The following RBM23 variants were observed in gnomAD, a reference collection of about 807,000 sequenced individuals.
RBM23 encodes the protein RNA binding motif protein 23, also known as probable RNA-binding protein 23.
A neutral mutation model predicts 56.2 loss-of-function variants in RBM23; 53 were observed. That is an observed-to-expected ratio of 0.94 (90% CI 0.76 to 1.19). The LOEUF (loss-of-function observed/expected upper bound fraction) is 1.19, where lower values mean the gene tolerates loss of function less well. Among genes scored for constraint, RBM23 ranks in the 50% most tolerant of loss-of-function variants. The pLI, the probability that RBM23 is intolerant of heterozygous loss-of-function variation, is 0.00. For missense variants in RBM23, 642 were observed against 590.3 expected (o/e 1.09, Z -0.91); for synonymous variants, 197 against 198.5 (o/e 0.99, Z 0.06).
Position 22,896,938 on chromosome 14 carries a change from G to A in RBM23, c.*4792C>T, listed in dbSNP as rs775352580. 1.6e-4 allele frequency: 25 copies of A among 152,200 alleles called. No homozygotes were observed. Among genetic ancestry groups the A allele is most frequent in the Non-Finnish European group, 2.9e-4 (20 of 68,034 alleles). The allele number at this position is 152,200 out of a possible 1,614,324, so 9.4% of individuals were successfully genotyped here. ...GGAATTCCTTTCCTGCATCCAGCTC[G>A]TGACTATTGCCTTCACCTGGTTGCC... On this transcript the variant is annotated 3_prime_UTR_variant, in exon 14 of 14. Coordinates refer to ENST00000359890, the MANE Select transcript of RBM23 (RefSeq NM_001077351.2).
rs59987550 is a variant in RBM23 at position 22,902,756 on chromosome 14, CTTTTTTTT to C, written c.931-382_931-375del. 1.3e-3 allele frequency: 596 copies of C among 460,498 alleles called. 11 individuals carry two copies. Among genetic ancestry groups the C allele is most frequent in the Middle Eastern group, 4.7e-3 (4 of 858 alleles). The allele number at this position is 460,498 out of a possible 1,614,324, so 28.5% of individuals were successfully genotyped here. ...GTTCTCTATCCTAGTAAGTTTTAGT[CTTTTTTTT>C]TTTTTTTTTTTTTTTTTTTTGAGAC... On this transcript the variant is annotated intron_variant, in intron 10 of 13. Transcript: ENST00000359890.
At position 22,905,102 on chromosome 14, in the gene RBM23, C is replaced by G; in HGVS notation, c.718G>C (p.Ala240Pro). 2 of 1,614,164 alleles carry G rather than the reference C, an allele frequency of 1.2e-6. No homozygotes were observed. The highest frequency in any genetic ancestry group is 1.3e-5 in the African/African-American group (1 of 75,038). Residue 240 changes from alanine (A) to proline (P), a missense_variant, in exon 8 of 14, where the codon GCT becomes CCT. Physicochemically the swap from Ala to Pro is conservative, Grantham distance 27. Transcript: ENST00000359890. ...RLLGVPIIVQ[A>P]SQAEKNRLAA... ...TTTCTCAGCCTGCTCACCTGTGAAG[C>G]CTGTACAATGATAGGCACTCCCAGC...
rs750142914 is a variant in RBM23, at chr14:22,902,266, G to A, written c.1047C>T (p.Ile349=). Residue 349 remains isoleucine (I), a synonymous_variant, in exon 11 of 14, where the codon ATC becomes ATT. Coordinates refer to ENST00000359890, the MANE Select transcript of RBM23 (RefSeq NM_001077351.2). ...VTERLDGGTD[I]TFPDGDQELD... Reference sequence around the variant, plus strand: ...GCTCCTGGTCCCCATCAGGAAAAGTGATGTCTGTGCCACCATCCAGTCGCT... The same window carrying A: ...GCTCCTGGTCCCCATCAGGAAAAGTAATGTCTGTGCCACCATCCAGTCGCT... 1 of 1,614,180 alleles carries A rather than the reference G, an allele frequency of 6.2e-7. No homozygotes were observed. Among genetic ancestry groups the A allele is most frequent in the East Asian group, 2.2e-5 (1 of 44,890 alleles).
rs1439388603 is a variant in RBM23 at position 22,899,744 on chromosome 14, G to C, written c.*1986C>G. On this transcript the variant is annotated 3_prime_UTR_variant, in exon 14 of 14. Coordinates refer to ENST00000359890, the MANE Select transcript of RBM23 (RefSeq NM_001077351.2). Reference sequence around the variant, plus strand: ...AAGCAGCAAACAGACTTAGGAGCTAGAGTCCCACTGGCCTTTTATGACTCA... The same window carrying C: ...AAGCAGCAAACAGACTTAGGAGCTACAGTCCCACTGGCCTTTTATGACTCA... 1 of 152,232 alleles carries C rather than the reference G, an allele frequency of 6.6e-6. No homozygotes were observed. Among genetic ancestry groups the C allele is most frequent in the East Asian group, 1.9e-4 (1 of 5,200 alleles). 9.4% of individuals were successfully genotyped at this position (152,232 alleles called of 1,614,324 possible).
At chr14:22,908,030 A>T (rs1566564025) in intron 4 of RBM23, among the ~76,000 whole-genome samples, 1 of 151,938 alleles carries the variant, frequency 6.6e-6, no homozygotes, top group Non-Finnish European at 1.5e-5. Flanking sequence ...TTTTATTTTT[A>T]TTTTTTTTGA....
intron 9 of RBM23, 27 bp from the exon 10 acceptor site, chr14:22,904,353 A>G (rs1168548662): frequency 6.3e-7 from 1 of 1,580,054 alleles, no homozygotes; most frequent in Non-Finnish European, 8.7e-7. Flanking sequence ...AATTATCAGT[A>G]AACTTTTGAC....
intron 4 of RBM23, among the ~76,000 whole-genome samples, chr14:22,906,834 T>G (rs560618140): frequency 5.9e-5 from 9 of 151,896 alleles, no homozygotes; most frequent in African/African-American, 2.2e-4. Context: ...AGGTCGAGAG[T>G]TCGAGACCAG....
Position 22,898,584 on chromosome 14 carries a change from C to T in RBM23, c.*3146G>A, listed in dbSNP as rs189285189. ...ACTGTCACTCACTAGATACCATCAC[C>T]TTATATGGAGTAAGACTGGAAATTG... is the stretch of plus-strand genomic sequence containing the variant. On this transcript the variant is annotated 3_prime_UTR_variant, in exon 14 of 14. Transcript: ENST00000359890. The T allele has an allele frequency of 3.3e-5, 5 of 152,092 alleles. No homozygotes were observed. The highest frequency in any genetic ancestry group is 2.6e-4 in the Admixed American group (4 of 15,266). 9.4% of individuals were successfully genotyped at this position (152,092 alleles called of 1,614,324 possible). A position where few individuals can be genotyped will look rare whatever the true frequency, so the allele number is the denominator to read the frequency against.
At chr14:22,911,239 G>A (rs2042466515) in intron 2 of RBM23, 89 bp downstream of exon 2, 4 of 1,012,390 alleles carry the variant, frequency 4.0e-6, no homozygotes, top group Middle Eastern at 5.1e-4. Flanking sequence ...AGGGAAAGAG[G>A]ATTCATAAAA....
intron 10 of RBM23, chr14:22,903,941 T>G: frequency 7.8e-7 from 1 of 1,284,528 alleles, no homozygotes; most frequent in Non-Finnish European, 9.9e-7. Context: ...TAAAAGCCCA[T>G]ACCTAACCTC....
chr14:22,918,438 A>G (rs1373465676), intron 1 of RBM23, among the ~76,000 whole-genome samples: 2 of 152,100 alleles, frequency 1.3e-5, no homozygotes, highest in Admixed American at 6.5e-5. Flanking sequence ...AACTGGCACA[A>G]TCTCTGCGGG....
chr14:22,900,379 G>A lies in RBM23; in HGVS notation c.*1351C>T, dbSNP rs1381969423. 2.4e-5 allele frequency: 3 copies of A among 123,190 alleles called. No individual in the cohort carries two copies. The highest frequency in any genetic ancestry group is 4.8e-5 in the Non-Finnish European group (3 of 62,460). 7.6% of individuals were successfully genotyped at this position (123,190 alleles called of 1,614,324 possible). A position where few individuals can be genotyped will look rare whatever the true frequency, so the allele number is the denominator to read the frequency against. The stretch of plus-strand genomic sequence containing the variant: ...CACTAGAAAAAAACAAGTGTAGAAT[G>A]CAGTACTGTCATAGTGCCATCTGCT... On this transcript the variant is annotated 3_prime_UTR_variant, in exon 14 of 14. Coordinates refer to ENST00000359890, the MANE Select transcript of RBM23 (RefSeq NM_001077351.2).
rs45590345 is a variant in RBM23, at chr14:22,901,771, G to C, written c.1317-38C>G. ...GAGGTAAATGGGAAGCCAAAGGAAA[G>C]AGAATAATCAAAGGCTAGAATGAGC... On this transcript the variant is annotated intron_variant, in intron 13 of 13. Coordinates refer to ENST00000359890, the MANE Select transcript of RBM23 (RefSeq NM_001077351.2). The C allele has an allele frequency of 2.7e-3, 4,323 of 1,614,002 alleles. 6 individuals are homozygous for C. Among genetic ancestry groups the C allele is most frequent in the Middle Eastern group, 0.017 (104 of 6,062 alleles).
intron 1 of RBM23, among the ~76,000 whole-genome samples, chr14:22,914,674 A>G (rs1030868417): frequency 6.6e-6 from 1 of 151,924 alleles, no homozygotes; most frequent in Non-Finnish European, 1.5e-5. Context: ...TCATAATCAG[A>G]CTTTTTCATA....
chr14:22,898,590 T>G lies in RBM23; in HGVS notation c.*3140A>C, dbSNP rs539329599. 1 of 152,076 alleles carries G rather than the reference T, an allele frequency of 6.6e-6. No homozygotes were observed. Among genetic ancestry groups the G allele is most frequent in the Admixed American group, 6.6e-5 (1 of 15,256 alleles). The allele number at this position is 152,076 out of a possible 1,614,324, so 9.4% of individuals were successfully genotyped here. On this transcript the variant is annotated 3_prime_UTR_variant, in exon 14 of 14. Coordinates refer to ENST00000359890, the MANE Select transcript of RBM23 (RefSeq NM_001077351.2). Reference sequence around the variant, plus strand: ...ACTCACTAGATACCATCACCTTATATGGAGTAAGACTGGAAATTGTCTTAG... The same window carrying G: ...ACTCACTAGATACCATCACCTTATAGGGAGTAAGACTGGAAATTGTCTTAG...
rs1402084214 is a variant in RBM23 at position 22,893,494 on chromosome 14, A to G, written c.*8236T>C. The G allele has an allele frequency of 5.3e-5, 8 of 152,236 alleles. No homozygotes were observed. The highest frequency in any genetic ancestry group is 1.2e-4 in the African/African-American group (5 of 41,464). 9.4% of individuals were successfully genotyped at this position (152,236 alleles called of 1,614,324 possible). A position where few individuals can be genotyped will look rare whatever the true frequency, so the allele number is the denominator to read the frequency against. On this transcript the variant is annotated 3_prime_UTR_variant, in exon 14 of 14. Coordinates refer to ENST00000359890, the MANE Select transcript of RBM23 (RefSeq NM_001077351.2). ...ATAGCAGCAAACAATACCACATTCT[A>G]TCTAACTGGGGGCTACCTCATGTGC... is the stretch of plus-strand genomic sequence containing the variant.
At chr14:22,905,972 A>T in intron 5 of RBM23, 1 of 626,092 alleles carries the variant, frequency 1.6e-6, no homozygotes, top group Non-Finnish European at 2.7e-6. Flanking sequence ...CTGGTCTTGA[A>T]TTCCTGAGCC....
At chr14:22,909,450 A>G (rs959788968) in intron 3 of RBM23, 33 bp downstream of exon 3, 62 of 1,566,646 alleles carry the variant, frequency 4.0e-5, no homozygotes, top group Non-Finnish European at 5.2e-5. Flanking sequence ...CCCTTCCCCA[A>G]GTTGCCAACC....
chr14:22,901,971 CA>C lies in RBM23; in HGVS notation c.1246+8del. 6.2e-7 allele frequency: 1 copy of C among 1,610,886 alleles called. No individual in the cohort carries two copies. The highest frequency in any genetic ancestry group is 8.5e-7 in the Non-Finnish European group (1 of 1,177,628). ...AAACCTTCCCTTCCTTTCCCATGTC[CA>C]AGACTACCAGTCAGAGCTGCTGGAT... is the stretch of plus-strand genomic sequence containing the variant. On this transcript the variant is annotated splice_region_variant and intron_variant, in intron 12 of 13. Transcript: ENST00000359890.
Sources: allele counts gnomAD v4.1 joint callset (sites outside exome capture counted in the v4.1 genomes callset), GRCh38; gene constraint gnomAD v4.1.1; transcripts MANE v1.5; gene names NCBI Gene and HGNC (gene_info 2026-07-23, HGNC 2026-07-21).